Variants in ALG6 observed in about 807,000 individuals in gnomAD.
ALG6 encodes dolichyl pyrophosphate Man9GlcNAc2 alpha-1,3-glucosyltransferase.
In ALG6, 46 loss-of-function variants were observed where a neutral mutation model predicts 66.6. The ratio of observed to expected loss-of-function variants is 0.69; its 90% CI spans 0.55 to 0.88. ALG6 has a LOEUF of 0.88. ALG6 is among the 40% of genes least tolerant of loss of function. ALG6 has a pLI of 0.00. For missense variants in ALG6, 505 were observed against 586.8 expected, an observed-to-expected ratio of 0.86 and a Z score of 1.44; for synonymous variants, 185 against 203.7, an observed-to-expected ratio of 0.91 and a Z score of 0.78.
At chr1:63,393,420 C>T (rs1352496669) in intron 2 of ALG6, among the ~76,000 whole-genome samples, 1 of 152,110 alleles carries the variant, frequency 6.6e-6, no homozygotes, top group Non-Finnish European at 1.5e-5. Context: ...ATATAAAATT[C>T]TTATCTGGTT....
chr1:63,420,183 G>A (rs1183495421), intron 12 of ALG6, among the ~76,000 whole-genome samples: 1 of 152,118 alleles, frequency 6.6e-6, no homozygotes, highest in Admixed American at 6.5e-5. Flanking sequence ...GCAGAGCTGG[G>A]CTGGCCTGTG....
intron 9 of ALG6, among the ~76,000 whole-genome samples, chr1:63,412,924 T>C (rs769368614): frequency 6.6e-6 from 1 of 152,168 alleles, no homozygotes; most frequent in Non-Finnish European, 1.5e-5. Flanking sequence ...TATCTTTCAG[T>C]AGACTTATAG....
rs768557367 is a variant in ALG6 at position 63,414,101 on chromosome 1, T to G, written c.857T>G (p.Leu286Arg). The G allele has an allele frequency of 1.2e-6, 2 of 1,613,234 alleles. No individual in the cohort carries two copies. The highest frequency in any genetic ancestry group is 3.3e-5 in the Admixed American group (2 of 60,008). The part of the protein sequence containing the change: ...ANIWCSFNVF[L>R]KIKDILPRHI... ...ATTTGGTGCAGCTTCAATGTCTTTC[T>G]GAAGATTAAGGATATTTTGCCACGT... The change falls in exon 10 of 15, where the codon CTG becomes CGG. Residue 286 changes from leucine (L) to arginine (R), a missense_variant. By Grantham distance (102) the Leu-to-Arg change is moderately radical. Coordinates refer to ENST00000263440, the MANE Select transcript of ALG6 (RefSeq NM_013339.4).
At chr1:63,400,471 C>G (rs1383260452) in intron 3 of ALG6, among the ~76,000 whole-genome samples, 2 of 149,696 alleles carry the variant, frequency 1.3e-5, no homozygotes, top group Non-Finnish European at 3.0e-5. Flanking sequence ...GCTATCTTCT[C>G]TTATGCCTCT....
At chr1:63,430,431 C>T (rs1644640082) in intron 14 of ALG6, among the ~76,000 whole-genome samples, 1 of 152,162 alleles carries the variant, frequency 6.6e-6, no homozygotes, top group Non-Finnish European at 1.5e-5. Context: ...AGTAGAATTG[C>T]TAGATCATAT....
Position 63,382,900 on chromosome 1 carries a change from G to A in ALG6, c.82+11841G>A, listed in dbSNP as rs190818522. ...ACCATGTTAGCCAGGATGGTCTCGA[G>A]CTCCTGACCTCATGATCCGCCCGTC... On this transcript the variant is annotated intron_variant, in intron 2 of 14. Transcript: ENST00000263440. Among the ~76,000 whole-genome samples, 1,199 of 151,874 alleles carry A rather than the reference G, an allele frequency of 7.9e-3. 10 individuals carry two copies. Among genetic ancestry groups the A allele is most frequent in the Non-Finnish European group, 0.01 (681 of 67,922 alleles).
At chr1:63,396,066 G>A (rs562247586) in intron 2 of ALG6, among the ~76,000 whole-genome samples, 1 of 152,056 alleles carries the variant, frequency 6.6e-6, no homozygotes, top group Non-Finnish European at 1.5e-5. Flanking sequence ...AAATACTATG[G>A]CATTTTATAT....
At chr1:63,378,585 C>T (rs1007212597) in intron 2 of ALG6, among the ~76,000 whole-genome samples, 25 of 152,274 alleles carry the variant, frequency 1.6e-4, no homozygotes, top group African/African-American at 5.8e-4. Context: ...AGGCCATTCA[C>T]TATGTGCCAA....
chr1:63,371,803 C>A (rs1647934915), intron 2 of ALG6, among the ~76,000 whole-genome samples: 1 of 152,072 alleles, frequency 6.6e-6, no homozygotes, highest in South Asian at 2.1e-4. Flanking sequence ...CGGGGTTTCA[C>A]CATGCTGGCC....
At chr1:63,394,993 G>T (rs1188744181) in intron 2 of ALG6, among the ~76,000 whole-genome samples, 2 of 151,728 alleles carry the variant, frequency 1.3e-5, no homozygotes, top group Non-Finnish European at 2.9e-5. Context: ...AGCCTCCTGA[G>T]TAGCTGGGAT....
intron 2 of ALG6, among the ~76,000 whole-genome samples, chr1:63,385,181 CTTCTTT>C (rs1648459691): frequency 4.2e-5 from 3 of 70,968 alleles, no homozygotes; most frequent in Admixed American, 1.6e-4. Context: ...TCTTTTACTT[CTTCTTT>C]TTTTTTTTTT....
chr1:63,414,773 G>A (rs1644534016), intron 10 of ALG6, among the ~76,000 whole-genome samples: 1 of 152,104 alleles, frequency 6.6e-6, no homozygotes, highest in African/African-American at 2.4e-5. Flanking sequence ...AGATCACTGT[G>A]TACTGTGTGT....
intron 4 of ALG6, among the ~76,000 whole-genome samples, chr1:63,402,758 C>CA (rs1040369758): frequency 4.6e-5 from 7 of 151,268 alleles, no homozygotes; most frequent in African/African-American, 1.7e-4. Context: ...TGAGCCACCT[C>CA]ACCCAGCCAC....
intron 2 of ALG6, among the ~76,000 whole-genome samples, chr1:63,386,542 T>C (rs1648508655): frequency 6.6e-6 from 1 of 152,142 alleles, no homozygotes; most frequent in Non-Finnish European, 1.5e-5. Flanking sequence ...TCAGTCTTGG[T>C]AGGTTGTACG....
chr1:63,434,892 AAG>A (rs1022240525), intron 14 of ALG6, among the ~76,000 whole-genome samples: 1 of 152,186 alleles, frequency 6.6e-6, no homozygotes, highest in African/African-American at 2.4e-5. Context: ...GGAACCAGCA[AAG>A]ATGTCTAAGA....
intron 2 of ALG6, among the ~76,000 whole-genome samples, chr1:63,379,195 T>G (rs578137026): frequency 2.6e-5 from 4 of 152,202 alleles, no homozygotes; most frequent in Non-Finnish European, 5.9e-5. Flanking sequence ...TCTGTGGGAA[T>G]TCTTTGAGGC....
At position 63,436,274 on chromosome 1, in the gene ALG6, T is replaced by C. The variant is rs148482638; in HGVS notation, c.1327-549T>C. Among the ~76,000 whole-genome samples the C allele has an allele frequency of 3.0e-3, 462 of 152,282 alleles. 7 individuals carry two copies. The highest frequency in any genetic ancestry group is 3.7e-3 in the East Asian group (19 of 5,176). On this transcript the variant is annotated intron_variant, in intron 14 of 14. Transcript: ENST00000263440. ...AAATCGGGGTAACTGGGCTATTTAT[T>C]ACCTTAAAAATATGTCTTTATGCTA...
intron 12 of ALG6, among the ~76,000 whole-genome samples, chr1:63,423,639 A>G (rs1644599636): frequency 6.6e-6 from 1 of 152,056 alleles, no homozygotes; most frequent in Admixed American, 6.6e-5. Context: ...GCTTCTTAAT[A>G]TTTTCAAGGT....
intron 14 of ALG6, among the ~76,000 whole-genome samples, chr1:63,432,432 A>C (rs1015423553): frequency 6.6e-6 from 1 of 152,172 alleles, no homozygotes; most frequent in Admixed American, 6.5e-5. Flanking sequence ...ATTTATATTC[A>C]TAAGAGACAC....
Sources: allele counts gnomAD v4.1 joint callset (sites outside exome capture counted in the v4.1 genomes callset), GRCh38; gene constraint gnomAD v4.1.1; transcripts MANE v1.5; gene names NCBI Gene and HGNC (gene_info 2026-07-23, HGNC 2026-07-21).